The following OLFM3 variants were observed in gnomAD, a reference collection of about 807,000 sequenced individuals.
OLFM3 encodes noelin-3.
In OLFM3, 20 loss-of-function variants were observed where a neutral mutation model predicts 48.6. That is an observed-to-expected ratio of 0.41 (90% CI 0.29 to 0.60). The LOEUF is 0.60. Ranked by LOEUF, OLFM3 falls within the 20% of genes least tolerant of loss-of-function variation. The pLI, the probability that OLFM3 is intolerant of heterozygous loss-of-function variation, is 0.28. For synonymous variants in OLFM3, 222 were observed against 198.1 expected (o/e 1.12, Z -1.01); for missense variants, 437 against 544.3 (o/e 0.80, Z 1.96).
chr1:101,950,044 A>G (rs79179669), intron 1 of OLFM3, among the ~76,000 whole-genome samples: 55 of 129,624 alleles, frequency 4.2e-4, no homozygotes, highest in Middle Eastern at 4.3e-3. Flanking sequence ...AAAAAAAAAA[A>G]AAAAGAAAAA....
chr1:101,964,075 A>T (rs1346675082), intron 1 of OLFM3, among the ~76,000 whole-genome samples: 1 of 152,174 alleles, frequency 6.6e-6, no homozygotes, highest in African/African-American at 2.4e-5. Flanking sequence ...GATATGTCTG[A>T]TCATTGATTT....
At chr1:101,964,304 A>G (rs1557749046) in intron 1 of OLFM3, among the ~76,000 whole-genome samples, 1 of 152,214 alleles carries the variant, frequency 6.6e-6, no homozygotes, top group South Asian at 2.1e-4. Context: ...AGAATGAAAA[A>G]GGCAAGAAAT....
In OLFM3 at chr1:101,803,550, C is replaced by T. The variant is rs1653597044; in HGVS notation, c.*688G>A. 6.6e-6 allele frequency: 1 copy of T among 151,982 alleles called. No individual in the cohort carries two copies. Among genetic ancestry groups the T allele is most frequent in the Non-Finnish European group, 1.5e-5 (1 of 67,738 alleles). The allele number at this position is 151,982 out of a possible 1,614,324, so 9.4% of individuals were successfully genotyped here. ...GTAAGCCAAGAAGATTATTCTTGACCACACTTGAAAATGGACTCAATTACT... is the reference window on the plus strand; with the variant it reads ...GTAAGCCAAGAAGATTATTCTTGACTACACTTGAAAATGGACTCAATTACT... On this transcript the variant is annotated 3_prime_UTR_variant, in exon 6 of 6. Transcript: ENST00000370103.
chr1:101,986,567 A>C (rs1451252279), intron 1 of OLFM3, among the ~76,000 whole-genome samples: 4 of 152,148 alleles, frequency 2.6e-5, no homozygotes, highest in Non-Finnish European at 5.9e-5. Flanking sequence ...TTGTATGCTA[A>C]ATTAATATTA....
At chr1:101,812,772 T>C (rs1654131909) in intron 4 of OLFM3, 1 of 988,766 alleles carries the variant, frequency 1.0e-6, no homozygotes, top group Non-Finnish European at 1.2e-6. Flanking sequence ...AAACTAAACA[T>C]TGGGTGACCA....
intron 1 of OLFM3, among the ~76,000 whole-genome samples, chr1:101,971,073 T>A (rs1383479279): frequency 6.6e-6 from 1 of 152,196 alleles, no homozygotes; most frequent in East Asian, 1.9e-4. Flanking sequence ...TTGAGTGGGA[T>A]TCTGAAATAA....
At chr1:101,814,833 C>T (rs1277657014) in intron 4 of OLFM3, among the ~76,000 whole-genome samples, 1 of 152,068 alleles carries the variant, frequency 6.6e-6, no homozygotes, top group Non-Finnish European at 1.5e-5. Flanking sequence ...TAAAATAGTG[C>T]TTGGTACATA....
chr1:101,896,651 C>G (rs1338060981), intron 1 of OLFM3, among the ~76,000 whole-genome samples: 15 of 148,518 alleles, frequency 1.0e-4, no homozygotes, highest in Non-Finnish European at 1.8e-4. Flanking sequence ...CCGGCCACCA[C>G]GCCCGGCTGA....
At chr1:101,936,171 C>T (rs1161425945) in intron 1 of OLFM3, among the ~76,000 whole-genome samples, 4 of 152,050 alleles carry the variant, frequency 2.6e-5, no homozygotes, top group Admixed American at 6.6e-5. Flanking sequence ...AATAGAGAAA[C>T]TCAAACTATC....
intron 1 of OLFM3, among the ~76,000 whole-genome samples, chr1:101,909,531 G>T (rs1440447247): frequency 6.6e-6 from 1 of 152,100 alleles, no homozygotes; most frequent in Non-Finnish European, 1.5e-5. Flanking sequence ...AACAAATTTA[G>T]TGTGTTTTGT....
intron 1 of OLFM3, among the ~76,000 whole-genome samples, chr1:101,932,230 T>G (rs972996914): frequency 1.3e-5 from 2 of 152,216 alleles, no homozygotes; most frequent in Admixed American, 6.5e-5. Context: ...AAATTGAAAT[T>G]GGTGGGTTCA....
chr1:101,809,836 A>G (rs905465699), intron 4 of OLFM3, among the ~76,000 whole-genome samples: 5 of 151,986 alleles, frequency 3.3e-5, no homozygotes, highest in African/African-American at 1.2e-4. Flanking sequence ...GGGCTTAAAG[A>G]GGAAGGAAAT....
intron 1 of OLFM3, among the ~76,000 whole-genome samples, chr1:101,906,018 T>A (rs1450250755): frequency 6.6e-6 from 1 of 152,160 alleles, no homozygotes; most frequent in Non-Finnish European, 1.5e-5. Flanking sequence ...CTTCCCTTTT[T>A]TAAGAAAAGC....
intron 1 of OLFM3, among the ~76,000 whole-genome samples, chr1:101,995,386 A>G (rs77243783): frequency 3.2e-3 from 485 of 152,246 alleles, no homozygotes; most frequent in African/African-American, 0.011. Flanking sequence ...ACTTTTTCCT[A>G]AGTGTAAAAT....
chr1:101,911,626 C>T (rs1658762687), intron 1 of OLFM3, among the ~76,000 whole-genome samples: 1 of 152,102 alleles, frequency 6.6e-6, no homozygotes, highest in South Asian at 2.1e-4. Flanking sequence ...ACAACAAATA[C>T]CAGTTGAGAC....
Position 101,993,290 on chromosome 1 carries a change from G to A in OLFM3, c.69+3458C>T, listed in dbSNP as rs139162108. On this transcript the variant is annotated intron_variant, in intron 1 of 5. Coordinates refer to ENST00000370103, the MANE Select transcript of OLFM3 (RefSeq NM_058170.4). ...GTTTTGTTACAATGTTCAAATAATGGTCCGCTAAAAATCTTCCTGCAACAG... is the reference window on the plus strand; with the variant it reads ...GTTTTGTTACAATGTTCAAATAATGATCCGCTAAAAATCTTCCTGCAACAG... Among the ~76,000 whole-genome samples the A allele has an allele frequency of 3.1e-4, 47 of 152,132 alleles. 1 individual carries two copies. Among genetic ancestry groups the A allele is most frequent in the African/African-American group, 1.1e-3 (45 of 41,520 alleles).
chr1:101,993,463 C>T (rs891066180), intron 1 of OLFM3, among the ~76,000 whole-genome samples: 2 of 151,994 alleles, frequency 1.3e-5, no homozygotes, highest in Non-Finnish European at 2.9e-5. Context: ...TAATTGAATT[C>T]CTACAGGCTT....
intron 1 of OLFM3, among the ~76,000 whole-genome samples, chr1:101,899,284 C>T (rs936162819): frequency 6.6e-6 from 1 of 152,104 alleles, no homozygotes; most frequent in Non-Finnish European, 1.5e-5. Flanking sequence ...CCAGAGGCTG[C>T]CCTTAGTTTC....
intron 1 of OLFM3, among the ~76,000 whole-genome samples, chr1:101,945,642 T>A (rs1659941979): frequency 6.6e-6 from 1 of 152,128 alleles, no homozygotes; most frequent in Non-Finnish European, 1.5e-5. Flanking sequence ...TATCTTAATT[T>A]TTTTTGAAAT....
Sources: gnomAD v4.1 joint callset for allele counts (sites outside exome capture counted in the v4.1 genomes callset) on GRCh38, gnomAD v4.1.1 for gene constraint, MANE v1.5 for transcripts, NCBI Gene and HGNC (gene_info 2026-07-23, HGNC 2026-07-21) for gene names.